The following MSH4 variants were observed in gnomAD, a reference collection of about 807,000 sequenced individuals.
The protein encoded by MSH4 is mutS protein homolog 4.
In MSH4, 106 loss-of-function variants were observed where a neutral mutation model predicts 113.7. That is an observed-to-expected ratio of 0.93 (90% CI 0.80 to 1.10). The LOEUF (loss-of-function observed/expected upper bound fraction) is 1.10, where lower values mean the gene tolerates loss of function less well. MSH4 is among the 50% of genes least tolerant of loss of function. MSH4 has a pLI of 0.00. For synonymous variants in MSH4, 368 were observed against 380.2 expected, an observed-to-expected ratio of 0.97 and a Z score of 0.37; for missense variants, 1,061 against 1,093.7, an observed-to-expected ratio of 0.97 and a Z score of 0.42.
intron 10 of MSH4, among the ~76,000 whole-genome samples, chr1:75,877,202 G>C (rs1364807367): frequency 6.6e-6 from 1 of 152,002 alleles, no homozygotes; most frequent in Non-Finnish European, 1.5e-5. Context: ...TTGATTATTT[G>C]TGTTAAAGGA....
intron 17 of MSH4, 60 bp downstream of exon 17, chr1:75,890,884 T>C: frequency 7.6e-7 from 1 of 1,307,930 alleles, no homozygotes; most frequent in South Asian, 1.4e-5. Flanking sequence ...CTTTTATTAT[T>C]ATTGAATTTT....
intron 7 of MSH4, among the ~76,000 whole-genome samples, chr1:75,832,187 AG>A (rs758358735): frequency 7.1e-4 from 108 of 152,350 alleles, no homozygotes; most frequent in Non-Finnish European, 1.0e-3. Flanking sequence ...AAAATCTAGA[AG>A]AAATGGATAA....
At chr1:75,848,493 C>T (rs1235062937) in intron 8 of MSH4, among the ~76,000 whole-genome samples, 2 of 152,158 alleles carry the variant, frequency 1.3e-5, no homozygotes. Flanking sequence ...GGCATGGTGG[C>T]TCATGCCTAT....
chr1:75,893,014 G>A (rs1468067699), intron 17 of MSH4, among the ~76,000 whole-genome samples: 7 of 152,138 alleles, frequency 4.6e-5, no homozygotes, highest in Non-Finnish European at 1.0e-4. Context: ...GTTTTCCCTA[G>A]CTAGAAACCA....
At chr1:75,872,135 A>G (rs1461569258) in intron 9 of MSH4, among the ~76,000 whole-genome samples, 3 of 152,170 alleles carry the variant, frequency 2.0e-5, no homozygotes, top group African/African-American at 4.8e-5. Context: ...CCTCCCAGCT[A>G]TCTTCATCTG....
At position 75,806,278 on chromosome 1, in the gene MSH4, C is replaced by T. The variant is rs181704284; in HGVS notation, c.428-703C>T. Among the ~76,000 whole-genome samples the T allele has an allele frequency of 8.8e-3, 943 of 106,778 alleles. 9 individuals are homozygous for T. Among genetic ancestry groups the T allele is most frequent in the Middle Eastern group, 0.064 (5 of 78 alleles). 70.1% of individuals were successfully genotyped at this position (106,778 alleles called of 152,430 possible). A position where few individuals can be genotyped will look rare whatever the true frequency, so the allele number is the denominator to read the frequency against. On this transcript the variant is annotated intron_variant, in intron 2 of 19. Coordinates refer to ENST00000263187, the MANE Select transcript of MSH4 (RefSeq NM_002440.4). ...TTTTTTTTTTTTTGAGAAGGAGTCTCGCTCTGTAGCCCAGGCTAGAGTGCA... is the reference window on the plus strand; with the variant it reads ...TTTTTTTTTTTTTGAGAAGGAGTCTTGCTCTGTAGCCCAGGCTAGAGTGCA...
chr1:75,809,810 C>G (rs1159680988), intron 3 of MSH4, among the ~76,000 whole-genome samples: 1 of 151,826 alleles, frequency 6.6e-6, no homozygotes, highest in Non-Finnish European at 1.5e-5. Flanking sequence ...ACCACCAAGC[C>G]TGGCTAATTT....
At chr1:75,814,593 C>A (rs138934080) in intron 4 of MSH4, among the ~76,000 whole-genome samples, 2 of 152,006 alleles carry the variant, frequency 1.3e-5, no homozygotes, top group African/African-American at 4.8e-5. Context: ...TACCCTTTCT[C>A]AATTATGATA....
intron 19 of MSH4, among the ~76,000 whole-genome samples, chr1:75,902,703 A>G (rs867434492): frequency 2.7e-4 from 11 of 41,412 alleles, no homozygotes; most frequent in African/African-American, 8.1e-4. Context: ...ATATATATAT[A>G]TATATATATA....
intron 8 of MSH4, among the ~76,000 whole-genome samples, chr1:75,852,334 A>G (rs573214442): frequency 6.6e-6 from 1 of 152,282 alleles, no homozygotes; most frequent in East Asian, 1.9e-4. Context: ...GAATAATGCT[A>G]TGAATATTTG....
intron 2 of MSH4, among the ~76,000 whole-genome samples, chr1:75,806,410 G>T (rs1650062279): frequency 6.6e-6 from 1 of 151,782 alleles, no homozygotes; most frequent in Non-Finnish European, 1.5e-5. Flanking sequence ...ACCACGCCTG[G>T]CTAATTTTTT....
chr1:75,813,997 A>G (rs1650243056), intron 4 of MSH4, among the ~76,000 whole-genome samples: 2 of 152,200 alleles, frequency 1.3e-5, no homozygotes, highest in African/African-American at 4.8e-5. Context: ...TTTTATTTAT[A>G]TGAAAACCGG....
intron 1 of MSH4, among the ~76,000 whole-genome samples, chr1:75,802,053 C>T (rs1268666499): frequency 1.3e-5 from 2 of 152,118 alleles, no homozygotes; most frequent in Admixed American, 6.5e-5. Context: ...CCTATAGTCC[C>T]AGCTACTCGG....
rs775299862 is a variant in MSH4 at position 75,848,250 on chromosome 1, T to A, written c.1204T>A (p.Leu402Ile). The A allele has an allele frequency of 2.5e-6, 4 of 1,608,500 alleles. No individual in the cohort carries two copies. The Admixed American group carries it at 5.0e-5, about 20-fold the overall frequency. The change falls in exon 8 of 20, where the codon TTA becomes ATA. Residue 402 changes from leucine (L) to isoleucine (I), a missense_variant. Coordinates refer to ENST00000263187, the MANE Select transcript of MSH4 (RefSeq NM_002440.4). ...TGATACAGAGCAGCTTCTTTCTGTT[T>A]TAGTCCAAATTCCAAAGCAAGACAC... ...FLDTEQLLSVLVQIPKQDTVN... is the reference protein window; with the variant it reads ...FLDTEQLLSVIVQIPKQDTVN...
At chr1:75,882,689 A>AAAATG (rs1651961488) in intron 14 of MSH4, among the ~76,000 whole-genome samples, 1 of 129,172 alleles carries the variant, frequency 7.7e-6, no homozygotes, top group African/African-American at 2.8e-5. Context: ...AAAAAAAAAA[A>AAAATG]TCGGTGAGAA....
At chr1:75,867,331 C>T (rs576467739) in intron 8 of MSH4, among the ~76,000 whole-genome samples, 183 bp from the exon 9 acceptor site, 16 of 151,042 alleles carry the variant, frequency 1.1e-4, no homozygotes, top group African/African-American at 3.7e-4. Flanking sequence ...TTTGGGAAAC[C>T]GGTGTGCTAG....
intron 7 of MSH4, among the ~76,000 whole-genome samples, chr1:75,835,698 T>C (rs1180158708): frequency 6.6e-6 from 1 of 152,166 alleles, no homozygotes; most frequent in African/African-American, 2.4e-5. Flanking sequence ...TCTCCTATCT[T>C]TGTAAAAACT....
intron 7 of MSH4, among the ~76,000 whole-genome samples, chr1:75,826,570 TC>T (rs2100525517): frequency 6.6e-6 from 1 of 152,310 alleles, no homozygotes; most frequent in East Asian, 1.9e-4. Context: ...CGATTTGAGA[TC>T]TTTTCCACTC....
chr1:75,812,796 T>C (rs1008345157), intron 4 of MSH4, among the ~76,000 whole-genome samples: 1 of 152,164 alleles, frequency 6.6e-6, no homozygotes, highest in African/African-American at 2.4e-5. Flanking sequence ...TATTTTTAGG[T>C]GTTAAGTGGA....
Sources: gnomAD v4.1 joint callset for allele counts (sites outside exome capture counted in the v4.1 genomes callset) on GRCh38, gnomAD v4.1.1 for gene constraint, MANE v1.5 for transcripts, NCBI Gene and HGNC (gene_info 2026-07-23, HGNC 2026-07-21) for gene names.